MCC: variants seen among roughly 807,000 people sequenced by gnomAD.
MCC encodes the protein MCC regulator of Wnt signaling pathway.
Under a neutral mutation model 116.2 loss-of-function variants are expected in MCC, and 90 were observed. The ratio of observed to expected loss-of-function variants is 0.77; its 90% confidence interval spans 0.65 to 0.92. MCC has a LOEUF of 0.92. Among genes scored for constraint, MCC ranks in the 40% least tolerant of loss-of-function variants. The probability of loss-of-function intolerance (pLI) is 0.00; values close to 1 mark genes in which losing one functional copy is unlikely to be tolerated. For synonymous variants in MCC, 578 were observed against 510.5 expected, an observed-to-expected ratio of 1.13 and a Z score of -1.78; for missense variants, 1,516 against 1,312.2, an observed-to-expected ratio of 1.16 and a Z score of -2.40.
chr5:113,272,941 C>G (rs1216416759), intron 3 of MCC, among the ~76,000 whole-genome samples: 1 of 152,150 alleles, frequency 6.6e-6, no homozygotes, highest in Non-Finnish European at 1.5e-5. Flanking sequence ...ATAATGTTGA[C>G]TAAATAGCTG....
chr5:113,482,641 T>A (rs951022579), intron 1 of MCC, among the ~76,000 whole-genome samples: 1 of 152,244 alleles, frequency 6.6e-6, no homozygotes, highest in African/African-American at 2.4e-5. Flanking sequence ...CTTTATAAAT[T>A]CTAAATACTA....
chr5:113,333,857 A>ATG (rs1767799232), intron 3 of MCC, among the ~76,000 whole-genome samples: 6 of 101,708 alleles, frequency 5.9e-5, no homozygotes, highest in Admixed American at 5.4e-4. Flanking sequence ...ATATGTACAT[A>ATG]TATGTATATA....
rs1561723820 is a variant in MCC at position 113,025,291 on chromosome 5, A to ATGAT, written c.*2007_*2010dup. ...GTTTTTCAGCCAAAACATTTTCCTC[A>ATGAT]TGATAAAATGCAACTTTATATGAAA... On this transcript the variant is annotated 3_prime_UTR_variant, in exon 19 of 19. Transcript: ENST00000408903. The ATGAT allele has an allele frequency of 1.3e-5, 2 of 151,348 alleles. No homozygotes were observed. Among genetic ancestry groups the ATGAT allele is most frequent in the African/African-American group, 4.9e-5 (2 of 41,214 alleles). 9.4% of individuals were successfully genotyped at this position (151,348 alleles called of 1,614,324 possible). A position where few individuals can be genotyped will look rare whatever the true frequency, so the allele number is the denominator to read the frequency against.
chr5:113,055,623 C>T lies in MCC; in HGVS notation c.2214-1664G>A, dbSNP rs543911197. ...TCTCACTCCCTCTGTACCATCAGGA[C>T]GGGTGGGAAGTCCCTTGGAGATAAG... On this transcript the variant is annotated intron_variant, in intron 14 of 18. Transcript: ENST00000408903. Among the ~76,000 whole-genome samples, 7 of 152,270 alleles carry T rather than the reference C, an allele frequency of 4.6e-5. 1 individual carries two copies. The highest frequency in any genetic ancestry group is 9.6e-5 in the African/African-American group (4 of 41,558).
chr5:113,299,221 G>T (rs1766788960), intron 3 of MCC, among the ~76,000 whole-genome samples: 1 of 146,936 alleles, frequency 6.8e-6, no homozygotes, highest in Non-Finnish European at 1.5e-5. Context: ...CTGGGAGGCG[G>T]AGGTTGCAGT....
At chr5:113,459,900 A>G (rs1319118092) in intron 1 of MCC, among the ~76,000 whole-genome samples, 1 of 151,594 alleles carries the variant, frequency 6.6e-6, no homozygotes, top group Admixed American at 6.6e-5. Flanking sequence ...TATTCTGTGG[A>G]TATTTAGATA....
chr5:113,125,678 C>G (rs1159281944), intron 5 of MCC, among the ~76,000 whole-genome samples: 2 of 152,124 alleles, frequency 1.3e-5, no homozygotes, highest in African/African-American at 4.8e-5. Flanking sequence ...CCATCAAGAG[C>G]TATGGAGTAA....
At chr5:113,209,158 G>A (rs1763021353) in intron 3 of MCC, among the ~76,000 whole-genome samples, 1 of 152,174 alleles carries the variant, frequency 6.6e-6, no homozygotes, top group Non-Finnish European at 1.5e-5. Context: ...TCTCCCGAGA[G>A]GCTCTTACAT....
chr5:113,176,580 C>T (rs181382878), intron 3 of MCC, among the ~76,000 whole-genome samples: 2 of 152,278 alleles, frequency 1.3e-5, no homozygotes, highest in Admixed American at 6.5e-5. Context: ...ACTGCTGCAC[C>T]CAGAGGATGA....
chr5:113,195,014 G>C (rs1008252083), intron 3 of MCC, among the ~76,000 whole-genome samples: 4 of 152,154 alleles, frequency 2.6e-5, no homozygotes, highest in Non-Finnish European at 2.9e-5. Context: ...AATAGAACCA[G>C]GCTGCCCCAG....
Position 113,102,975 on chromosome 5 carries a change from G to A in MCC, c.1192-1030C>T, listed in dbSNP as rs368623390. Among the ~76,000 whole-genome samples the A allele has an allele frequency of 2.0e-4, 30 of 152,086 alleles. 1 individual carries two copies. Among genetic ancestry groups the A allele is most frequent in the Admixed American group, 1.3e-3 (20 of 15,268 alleles). ...CTAAAAATACAAAATTTAGCCGGGC[G>A]TGGTGGCGCCCGCCTGTAATCCCAG... On this transcript the variant is annotated intron_variant, in intron 7 of 18. Coordinates refer to ENST00000408903, the MANE Select transcript of MCC (RefSeq NM_001085377.2).
At position 113,106,826 on chromosome 5, in the gene MCC, T is replaced by C. The variant is rs139134348; in HGVS notation, c.1028-2471A>G. On this transcript the variant is annotated intron_variant, in intron 6 of 18. Coordinates refer to ENST00000408903, the MANE Select transcript of MCC (RefSeq NM_001085377.2). ...ACAGGCTTCCAAAGTCCTGAGATAATTGACATGAGCCACCATGCCTGGCCA... is the reference window on the plus strand; with the variant it reads ...ACAGGCTTCCAAAGTCCTGAGATAACTGACATGAGCCACCATGCCTGGCCA... 2.4e-3 allele frequency among the ~76,000 whole-genome samples: 370 copies of C among 152,314 alleles called. 3 individuals carry two copies. The highest frequency in any genetic ancestry group is 8.2e-3 in the African/African-American group (340 of 41,562).
At chr5:113,080,057 C>A (rs973343639) in intron 11 of MCC, among the ~76,000 whole-genome samples, 2 of 152,228 alleles carry the variant, frequency 1.3e-5, no homozygotes, top group African/African-American at 2.4e-5. Flanking sequence ...AAAAAATGCT[C>A]AGCATCACTG....
At chr5:113,193,105 T>C (rs114661710) in intron 3 of MCC, among the ~76,000 whole-genome samples, 1,738 of 152,298 alleles carry the variant, frequency 0.011, 35 homozygotes, top group African/African-American at 0.038. Context: ...CCCCTTCATA[T>C]TCAAGGCCAG....
intron 2 of MCC, among the ~76,000 whole-genome samples, chr5:113,371,777 G>A (rs1418616193): frequency 1.3e-5 from 2 of 152,132 alleles, no homozygotes; most frequent in African/African-American, 4.8e-5. Context: ...CAATGAATTT[G>A]CATTAGTCTT....
At chr5:113,349,173 G>C (rs1046568264) in intron 2 of MCC, among the ~76,000 whole-genome samples, 1 of 151,844 alleles carries the variant, frequency 6.6e-6, no homozygotes, top group African/African-American at 2.4e-5. Context: ...AAATAGAGGA[G>C]GATAGAACAC....
At chr5:113,331,059 C>T (rs950598353) in intron 3 of MCC, among the ~76,000 whole-genome samples, 6 of 152,182 alleles carry the variant, frequency 3.9e-5, no homozygotes, top group African/African-American at 9.7e-5. Context: ...AACAGATGCC[C>T]GGAAGATGCC....
Position 113,292,868 on chromosome 5 carries a change from C to T in MCC, c.627+47651G>A, listed in dbSNP as rs185057271. On this transcript the variant is annotated intron_variant, in intron 3 of 18. Transcript: ENST00000408903. ...AGATCACCAAAGGCTTCTCCTGAAA[C>T]AGGGTTAGTGATGGAGCAGGGCCCT... 1.4e-3 allele frequency among the ~76,000 whole-genome samples: 209 copies of T among 152,284 alleles called. 1 individual carries two copies. The highest frequency in any genetic ancestry group is 3.4e-3 in the Middle Eastern group (1 of 294).
At chr5:113,332,250 C>T (rs1011769291) in intron 3 of MCC, among the ~76,000 whole-genome samples, 69 of 151,482 alleles carry the variant, frequency 4.6e-4, no homozygotes, top group Admixed American at 1.8e-3. Flanking sequence ...ATGATCATAG[C>T]GCACTGCAGC....
Sources: gnomAD v4.1 joint callset for allele counts (sites outside exome capture counted in the v4.1 genomes callset) on GRCh38, gnomAD v4.1.1 for gene constraint, MANE v1.5 for transcripts, NCBI Gene and HGNC (gene_info 2026-07-23, HGNC 2026-07-21) for gene names.